RABGAP1L: variants seen among roughly 807,000 people sequenced by gnomAD.
RABGAP1L encodes RAB GTPase activating protein 1 like, also known as rab GTPase-activating protein 1-like.
A neutral mutation model predicts 137.7 loss-of-function variants in RABGAP1L; 63 were observed. That is an observed-to-expected ratio of 0.46 (90% CI 0.37 to 0.56). RABGAP1L has a LOEUF of 0.56. RABGAP1L is among the 20% of genes least tolerant of loss of function. RABGAP1L has a pLI of 0.00. For synonymous variants in RABGAP1L, 431 were observed against 433.7 expected (o/e 0.99, Z 0.08); for missense variants, 1,095 against 1,244.0 (o/e 0.88, Z 1.80).
At chr1:174,260,069 G>A (rs1312786455) in intron 7 of RABGAP1L, among the ~76,000 whole-genome samples, 3 of 152,198 alleles carry the variant, frequency 2.0e-5, no homozygotes, top group East Asian at 1.9e-4. Flanking sequence ...TCCTGACCTC[G>A]TGATCTGCCC....
At position 174,260,031 on chromosome 1, in the gene RABGAP1L, C is replaced by T. The variant is rs191876941; in HGVS notation, c.986+7441C>T. 3.0e-4 allele frequency among the ~76,000 whole-genome samples: 46 copies of T among 152,232 alleles called. 1 individual carries two copies. In the East Asian group the frequency reaches 4.3e-3, roughly 14 times the overall value. On this transcript the variant is annotated intron_variant, in intron 7 of 25. Coordinates refer to ENST00000681986, the MANE Select transcript of RABGAP1L (RefSeq NM_001366446.1). The stretch of plus-strand genomic sequence containing the variant: ...TGTATGTTTAGTAAAGATGGGGTTT[C>T]ACCATATTGGTCAGGCTGGTCTTGA...
intron 7 of RABGAP1L, among the ~76,000 whole-genome samples, chr1:174,267,649 G>A (rs908897296): frequency 2.6e-5 from 4 of 152,116 alleles, no homozygotes; most frequent in Non-Finnish European, 4.4e-5. Flanking sequence ...AAAATACTTT[G>A]TATTGTAAAT....
chr1:174,247,026 T>G (rs12080977), intron 5 of RABGAP1L, among the ~76,000 whole-genome samples: 44,781 of 152,072 alleles, frequency 0.29, 7,018 homozygotes, highest in African/African-American at 0.37. Flanking sequence ...GATGGAATCT[T>G]ATTTTTTTTT....
At chr1:174,521,678 G>A (rs1663407865) in intron 13 of RABGAP1L, among the ~76,000 whole-genome samples, 1 of 152,202 alleles carries the variant, frequency 6.6e-6, no homozygotes, top group African/African-American at 2.4e-5. Flanking sequence ...TAGACCTGAG[G>A]AATCTCAATT....
At chr1:174,414,512 G>C (rs1023200103) in intron 13 of RABGAP1L, among the ~76,000 whole-genome samples, 1 of 151,956 alleles carries the variant, frequency 6.6e-6, no homozygotes, top group Non-Finnish European at 1.5e-5. Context: ...GAGAGAAACT[G>C]TGTTCTTTCA....
rs1003402526 is a variant in RABGAP1L, at chr1:174,696,280, T to C, written c.1900-3245T>C. Among the ~76,000 whole-genome samples, 5 of 152,092 alleles carry C rather than the reference T, an allele frequency of 3.3e-5. No homozygotes were observed. In the East Asian group the frequency reaches 5.8e-4, roughly 18 times the overall value. ...ACTCAAGTTGCAGGACAAAGTCCTCTTTACTGTTTCCTCTCTTTTCCACAA... is the reference window on the plus strand; with the variant it reads ...ACTCAAGTTGCAGGACAAAGTCCTCCTTACTGTTTCCTCTCTTTTCCACAA... On this transcript the variant is annotated intron_variant, in intron 15 of 25. Transcript: ENST00000681986.
In RABGAP1L at chr1:174,689,326, C is replaced by T. The variant is rs372901176; in HGVS notation, c.1899+5730C>T. Among the ~76,000 whole-genome samples, 15 of 151,402 alleles carry T rather than the reference C, an allele frequency of 9.9e-5. No individual in the cohort carries two copies. In the East Asian group the frequency reaches 1.2e-3, roughly 12 times the overall value. On this transcript the variant is annotated intron_variant, in intron 15 of 25. Transcript: ENST00000681986. ...AAAGGCTTCATTTTGAAGTCTCTAT[C>T]GTATATATATATATTTATAACATAT...
chr1:174,913,526 AG>A (rs1420083939), intron 19 of RABGAP1L, among the ~76,000 whole-genome samples: 1 of 152,232 alleles, frequency 6.6e-6, no homozygotes, highest in Non-Finnish European at 1.5e-5. Context: ...AAATATGTTT[AG>A]CAAAGCCTTA....
intron 13 of RABGAP1L, among the ~76,000 whole-genome samples, chr1:174,408,532 C>CAT (rs34740237): frequency 0.58 from 87,305 of 151,816 alleles, 27,443 homozygotes; most frequent in African/African-American, 0.85. Context: ...AACATGCAAA[C>CAT]GTGTGTCTTT....
intron 10 of RABGAP1L, among the ~76,000 whole-genome samples, chr1:174,297,130 T>C (rs1040190668): frequency 1.3e-5 from 2 of 152,196 alleles, no homozygotes; most frequent in Non-Finnish European, 2.9e-5. Context: ...GAGAAAACAT[T>C]TCTTAGTGTC....
At chr1:174,177,350 G>GT (rs1335874652) in intron 1 of RABGAP1L, among the ~76,000 whole-genome samples, 1 of 152,048 alleles carries the variant, frequency 6.6e-6, no homozygotes, top group Non-Finnish European at 1.5e-5. Flanking sequence ...TTGTAAATTT[G>GT]TTTAAGTTTC....
intron 18 of RABGAP1L, among the ~76,000 whole-genome samples, chr1:174,763,370 G>A (rs547979090): frequency 1.4e-5 from 2 of 147,242 alleles, no homozygotes; most frequent in East Asian, 4.1e-4. Context: ...CAAAAAATTG[G>A]CCGGGCGCGG....
chr1:174,358,129 A>C (rs1571387757), intron 11 of RABGAP1L, among the ~76,000 whole-genome samples: 1 of 152,146 alleles, frequency 6.6e-6, no homozygotes, highest in Non-Finnish European at 1.5e-5. Context: ...TTCTCTAAAA[A>C]GGAATTCGAG....
At chr1:174,562,497 A>G (rs1303930114) in intron 13 of RABGAP1L, among the ~76,000 whole-genome samples, 2 of 152,198 alleles carry the variant, frequency 1.3e-5, no homozygotes, top group Non-Finnish European at 1.5e-5. Flanking sequence ...CAGCAATCCC[A>G]TTACTCAGTA....
At chr1:174,463,514 GGGT>G (rs913733307) in intron 13 of RABGAP1L, among the ~76,000 whole-genome samples, 2 of 151,838 alleles carry the variant, frequency 1.3e-5, no homozygotes, top group African/African-American at 4.8e-5. Context: ...GACTGTTGTG[GGGT>G]GGGGGAGGGG....
intron 18 of RABGAP1L, among the ~76,000 whole-genome samples, chr1:174,796,840 C>G (rs1258637361): frequency 6.6e-6 from 1 of 152,030 alleles, no homozygotes; most frequent in East Asian, 1.9e-4. Context: ...AACCCCATCT[C>G]TACTCAAAAT....
chr1:174,331,818 C>T (rs1486891532), intron 11 of RABGAP1L, among the ~76,000 whole-genome samples: 1 of 131,006 alleles, frequency 7.6e-6, no homozygotes, highest in Non-Finnish European at 1.6e-5. Flanking sequence ...CTAATGCTAT[C>T]CCTCCCCCTC....
chr1:174,284,870 T>G (rs1258896705), intron 10 of RABGAP1L, among the ~76,000 whole-genome samples: 1 of 151,092 alleles, frequency 6.6e-6, no homozygotes, highest in Non-Finnish European at 1.5e-5. Flanking sequence ...AAAAATGCCA[T>G]TGGGATTTCG....
intron 18 of RABGAP1L, among the ~76,000 whole-genome samples, chr1:174,759,306 A>T (rs1420017186): frequency 6.9e-6 from 1 of 145,450 alleles, no homozygotes; most frequent in Non-Finnish European, 1.5e-5. Context: ...AAAAAAAAAG[A>T]AGTTTCAGCC....
Sources: allele counts gnomAD v4.1 joint callset (sites outside exome capture counted in the v4.1 genomes callset), GRCh38; gene constraint gnomAD v4.1.1; transcripts MANE v1.5; gene names NCBI Gene and HGNC (gene_info 2026-07-23, HGNC 2026-07-21).